The following SDC3 variants were observed in gnomAD, a reference collection of about 807,000 sequenced individuals.
The protein encoded by SDC3 is syndecan 3.
SDC3 carries 13 observed loss-of-function variants against 24.4 expected under a neutral mutation model. That is an observed-to-expected ratio of 0.53 (90% confidence interval 0.35 to 0.85). The LOEUF (loss-of-function observed/expected upper bound fraction) is 0.85, where lower values mean the gene tolerates loss of function less well. Ranked by LOEUF, SDC3 falls within the 40% of genes least tolerant of loss-of-function variation. The pLI is 0.01. For synonymous variants in SDC3, 295 were observed against 260.9 expected, an observed-to-expected ratio of 1.13 and a Z score of -1.26; for missense variants, 571 against 584.5, an observed-to-expected ratio of 0.98 and a Z score of 0.24.
chr1:30,902,975 G>A (rs1387345897), intron 1 of SDC3, among the ~76,000 whole-genome samples: 4 of 152,206 alleles, frequency 2.6e-5, no homozygotes, highest in African/African-American at 4.8e-5. Context: ...TCATTCACTC[G>A]AGCCTGCACC....
At chr1:30,886,059 C>A (rs1639823049) in intron 1 of SDC3, among the ~76,000 whole-genome samples, 1 of 152,142 alleles carries the variant, frequency 6.6e-6, no homozygotes. Flanking sequence ...CAGGACCACC[C>A]ACTGAGGCCC....
At chr1:30,897,251 T>G (rs1202302163) in intron 1 of SDC3, among the ~76,000 whole-genome samples, 1 of 152,212 alleles carries the variant, frequency 6.6e-6, no homozygotes, top group African/African-American at 2.4e-5. Context: ...TTGTGTACTT[T>G]GGACAAATCA....
chr1:30,884,653 G>GCC (rs1639802840), intron 1 of SDC3, among the ~76,000 whole-genome samples: 1 of 152,098 alleles, frequency 6.6e-6, no homozygotes, highest in Admixed American at 6.5e-5. Flanking sequence ...GGCGCCCACA[G>GCC]CCTCCAAGAC....
intron 1 of SDC3, among the ~76,000 whole-genome samples, chr1:30,889,038 C>A (rs1460463475): frequency 6.6e-6 from 1 of 152,210 alleles, no homozygotes; most frequent in Non-Finnish European, 1.5e-5. Flanking sequence ...TCCAAGCCCT[C>A]ACCCTCCCCT....
chr1:30,900,460 G>A (rs1235627880), intron 1 of SDC3, among the ~76,000 whole-genome samples: 1 of 152,166 alleles, frequency 6.6e-6, no homozygotes, highest in Non-Finnish European at 1.5e-5. Flanking sequence ...TTAAGCAAGG[G>A]GTGGATGACA....
At chr1:30,894,181 G>C (rs2124334330) in intron 1 of SDC3, among the ~76,000 whole-genome samples, 1 of 151,560 alleles carries the variant, frequency 6.6e-6, no homozygotes. Context: ...GTGGGTGTGG[G>C]GGTAAGAGTG....
chr1:30,888,223 C>T (rs572155756), intron 1 of SDC3, among the ~76,000 whole-genome samples: 3 of 152,228 alleles, frequency 2.0e-5, no homozygotes, highest in Admixed American at 2.0e-4. Context: ...TGAGCTCAGC[C>T]GGAGAGTCAG....
Position 30,908,547 on chromosome 1 carries a change from C to A in SDC3, c.40G>T (p.Gly14Trp). 1 of 966,690 alleles carries A rather than the reference C, an allele frequency of 1.0e-6. No homozygotes were observed. Among genetic ancestry groups the A allele is most frequent in the Non-Finnish European group, 1.2e-6 (1 of 818,236 alleles). The allele number at this position is 966,690 out of a possible 1,614,324, so 59.9% of individuals were successfully genotyped here. A position where few individuals can be genotyped will look rare whatever the true frequency, so the allele number is the denominator to read the frequency against. The change falls in exon 1 of 5, where the codon GGG becomes TGG. Residue 14 changes from glycine (G) to tryptophan (W), a missense_variant. Transcript: ENST00000339394. ...GPPHRAGAAH[G>W]AGAGAGAAAG... ...GCGGCCCCGGCCCCGGCGCCGGCCCCGTGGGCGGCCCCGGCACGGTGCGGC... is the reference window on the plus strand; with the variant it reads ...GCGGCCCCGGCCCCGGCGCCGGCCCAGTGGGCGGCCCCGGCACGGTGCGGC...
Position 30,908,591 on chromosome 1 carries a change from G to A in SDC3, c.-5C>T, listed in dbSNP as rs1638582284. 1 of 975,418 alleles carries A rather than the reference G, an allele frequency of 1.0e-6. No homozygotes were observed. The allele number at this position is 975,418 out of a possible 1,614,324, so 60.4% of individuals were successfully genotyped here. ...GTGCGGCGGCCCCGGCTTCATGGCG[G>A]CGGCGCGGGCGCGGGCGGCGGGCGG... On this transcript the variant is annotated 5_prime_UTR_variant, in exon 1 of 5. Transcript: ENST00000339394.
rs541309990 is a variant in SDC3 at position 30,871,960 on chromosome 1, A to G, written c.*1251T>C. 2.6e-5 allele frequency: 4 copies of G among 152,388 alleles called. No individual in the cohort carries two copies. Among genetic ancestry groups the G allele is most frequent in the East Asian group, 3.9e-4 (2 of 5,188 alleles). 9.4% of individuals were successfully genotyped at this position (152,388 alleles called of 1,614,324 possible). A position where few individuals can be genotyped will look rare whatever the true frequency, so the allele number is the denominator to read the frequency against. ...TAGGGGTGAAGCCAGGCCCACCTGCATGCAATGCCCTAAAAGGGCTGTGGC... is the reference window on the plus strand; with the variant it reads ...TAGGGGTGAAGCCAGGCCCACCTGCGTGCAATGCCCTAAAAGGGCTGTGGC... On this transcript the variant is annotated 3_prime_UTR_variant, in exon 5 of 5. Coordinates refer to ENST00000339394, the MANE Select transcript of SDC3 (RefSeq NM_014654.4).
At chr1:30,885,747 C>A (rs1340923207) in intron 1 of SDC3, among the ~76,000 whole-genome samples, 2 of 152,246 alleles carry the variant, frequency 1.3e-5, no homozygotes, top group Admixed American at 1.3e-4. Context: ...GCCACCTTGG[C>A]CTGTGGTGCC....
Position 30,870,981 on chromosome 1 carries a change from G to C in SDC3, c.*2230C>G, listed in dbSNP as rs1445120085. ...AGGGAGGCTGAGCCTTGTGGTCTGT[G>C]GCCCCAGGACCCAGCCCTTCTGCTC... On this transcript the variant is annotated 3_prime_UTR_variant, in exon 5 of 5. Coordinates refer to ENST00000339394, the MANE Select transcript of SDC3 (RefSeq NM_014654.4). The C allele has an allele frequency of 2.0e-5, 3 of 152,474 alleles. No individual in the cohort carries two copies. The highest frequency in any genetic ancestry group is 4.8e-5 in the African/African-American group (2 of 41,462). The allele number at this position is 152,474 out of a possible 1,614,324, so 9.4% of individuals were successfully genotyped here. A position where few individuals can be genotyped will look rare whatever the true frequency, so the allele number is the denominator to read the frequency against.
chr1:30,888,117 C>A (rs2377658), intron 1 of SDC3, among the ~76,000 whole-genome samples: 1 of 152,248 alleles, frequency 6.6e-6, no homozygotes, highest in Non-Finnish European at 1.5e-5. Context: ...TCACTGAGCA[C>A]ACACTAAGCA....
chr1:30,887,331 C>T (rs576245407), intron 1 of SDC3, among the ~76,000 whole-genome samples: 18 of 152,238 alleles, frequency 1.2e-4, no homozygotes, highest in African/African-American at 3.9e-4. Context: ...TAGGTGTTCC[C>T]GCCCTGGCTT....
rs1222685704 is a variant in SDC3 at position 30,891,037 on chromosome 1, C to T, written c.139-12297G>A. Among the ~76,000 whole-genome samples the T allele has an allele frequency of 4.6e-5, 7 of 152,300 alleles. No individual in the cohort carries two copies. The South Asian group carries it at 1.2e-3, about 27-fold the overall frequency. On this transcript the variant is annotated intron_variant, in intron 1 of 4. Coordinates refer to ENST00000339394, the MANE Select transcript of SDC3 (RefSeq NM_014654.4). Reference sequence around the variant, plus strand: ...GGGACTCCAGACCCAGGCTATCTGCCGTCCCCAACCCTCGACCCCAGCATT... The same window carrying T: ...GGGACTCCAGACCCAGGCTATCTGCTGTCCCCAACCCTCGACCCCAGCATT...
intron 1 of SDC3, among the ~76,000 whole-genome samples, chr1:30,894,266 TGGGTGA>T (rs1639953591): frequency 8.8e-6 from 1 of 114,128 alleles, no homozygotes; most frequent in Non-Finnish European, 1.9e-5. Flanking sequence ...TGTGTGTGTG[TGGGTGA>T]GTGTGTGTGG....
chr1:30,875,617 A>G (rs1010114071), intron 3 of SDC3, among the ~76,000 whole-genome samples: 2 of 151,816 alleles, frequency 1.3e-5, no homozygotes, highest in African/African-American at 4.8e-5. Context: ...GGACCAGACC[A>G]CCTCTCTCAT....
At chr1:30,896,637 T>C (rs1570023700) in intron 1 of SDC3, among the ~76,000 whole-genome samples, 1 of 152,162 alleles carries the variant, frequency 6.6e-6, no homozygotes, top group Non-Finnish European at 1.5e-5. Flanking sequence ...GACAATGGTA[T>C]GCTCTGTGCT....
intron 4 of SDC3, among the ~76,000 whole-genome samples, chr1:30,873,896 G>A (rs992923666): frequency 5.9e-5 from 9 of 152,164 alleles, no homozygotes; most frequent in Admixed American, 3.9e-4. Context: ...CCCTAGATGC[G>A]GCCAGGGCAG....
Sources: gnomAD v4.1 joint callset for allele counts (sites outside exome capture counted in the v4.1 genomes callset) on GRCh38, gnomAD v4.1.1 for gene constraint, MANE v1.5 for transcripts, NCBI Gene and HGNC (gene_info 2026-07-23, HGNC 2026-07-21) for gene names.